Variants in LITAF observed in about 807,000 individuals in gnomAD.
LITAF encodes the protein lipopolysaccharide-induced tumor necrosis factor-alpha factor.
Under a neutral mutation model 14.5 loss-of-function variants are expected in LITAF, and 9 were observed. The ratio of observed to expected loss-of-function variants is 0.62; its 90% CI spans 0.37 to 1.08. The LOEUF is 1.08. LITAF is among the 50% of genes least tolerant of loss of function. The probability of loss-of-function intolerance (pLI) is 0.01; values close to 1 mark genes in which losing one functional copy is unlikely to be tolerated. For missense variants in LITAF, 206 were observed against 213.4 expected (o/e 0.97, Z 0.22); for synonymous variants, 98 against 88.2 (o/e 1.11, Z -0.62).
chr16:11,617,405 A>G (rs2065025424), intron 3 of LITAF, among the ~76,000 whole-genome samples: 1 of 145,648 alleles, frequency 6.9e-6, no homozygotes, highest in Admixed American at 7.0e-5. Flanking sequence ...TCCCAGCAAT[A>G]TATCAATATA....
chr16:11,608,058 A>G (rs2064963631), intron 3 of LITAF, among the ~76,000 whole-genome samples: 1 of 152,182 alleles, frequency 6.6e-6, no homozygotes, highest in African/African-American at 2.4e-5. Context: ...CTGAAGAAAT[A>G]AACTAATGCC....
Position 11,612,565 on chromosome 16 carries a change from G to A in LITAF, c.85+20968C>T, listed in dbSNP as rs77885534. On this transcript the variant is annotated intron_variant, in intron 3 of 3. Transcript: ENST00000574848. The stretch of plus-strand genomic sequence containing the variant: ...ATGCGGCCAGCGGGCGGCCAGGGCC[G>A]GCCCAGCTCAGGACGCTCACGTGCA... Among the ~76,000 whole-genome samples the A allele has an allele frequency of 4.9e-3, 751 of 152,338 alleles. 4 individuals are homozygous for A. Among genetic ancestry groups the A allele is most frequent in the African/African-American group, 0.017 (713 of 41,588 alleles).
chr16:11,572,690 T>C (rs919435527), intron 1 of LITAF, among the ~76,000 whole-genome samples: 2 of 152,120 alleles, frequency 1.3e-5, no homozygotes, highest in Non-Finnish European at 2.9e-5. Context: ...CAAGAAACTG[T>C]CAGAGACCAG....
At chr16:11,570,719 C>T (rs1479741720) in intron 1 of LITAF, among the ~76,000 whole-genome samples, 1 of 151,974 alleles carries the variant, frequency 6.6e-6, no homozygotes, top group Non-Finnish European at 1.5e-5. Flanking sequence ...CGAGACCAGC[C>T]CTGGCCACAT....
intron 1 of LITAF, among the ~76,000 whole-genome samples, chr16:11,580,040 T>G (rs2064708560): frequency 6.6e-6 from 1 of 152,196 alleles, no homozygotes; most frequent in Admixed American, 6.5e-5. Context: ...CTGAAACTTT[T>G]TGAACACAGA....
chr16:11,634,298 GT>G lies in LITAF; in HGVS notation c.-20-662del, dbSNP rs1322338156. Among the ~76,000 whole-genome samples the G allele has an allele frequency of 3.9e-5, 6 of 152,168 alleles. No homozygotes were observed. The highest frequency in any genetic ancestry group is 1.4e-4 in the African/African-American group (6 of 41,428). On this transcript the variant is annotated intron_variant, in intron 2 of 3. Coordinates refer to the LITAF transcript ENST00000574848. This position sits in a 1 kb window ranked among gnomAD's most constrained non-coding sequence, Gnocchi z 4.1. ...CCAAACTAACTCTGGGGAACATTTA[GT>G]TTACAGTTTAAGTGATACTTTTGTT...
At chr16:11,601,510 G>A (rs2064926107), upstream of LITAF, among the ~76,000 whole-genome samples, 1 of 152,098 alleles carries the variant, frequency 6.6e-6, no homozygotes, top group Non-Finnish European at 1.5e-5. Flanking sequence ...TAAAACCATA[G>A]TATTTTCTTA....
intron 3 of LITAF, among the ~76,000 whole-genome samples, chr16:11,625,194 G>C (rs13336957): frequency 0.046 from 6,957 of 151,982 alleles, 396 homozygotes; most frequent in East Asian, 0.14. Context: ...AGCAGTGGCC[G>C]TGACTCTCTG....
chr16:11,572,567 CTG>C (rs956493522), intron 1 of LITAF, among the ~76,000 whole-genome samples: 1 of 152,160 alleles, frequency 6.6e-6, no homozygotes, highest in African/African-American at 2.4e-5. Context: ...AGAAGGGCCT[CTG>C]TGGCCTTCCT....
chr16:11,598,889 G>A (rs371414685), upstream of LITAF, among the ~76,000 whole-genome samples: 12 of 151,890 alleles, frequency 7.9e-5, no homozygotes, highest in East Asian at 7.7e-4. Flanking sequence ...GCGCAATCTC[G>A]GCTCACTGCA....
rs778622023 is a variant in LITAF, at chr16:11,556,491, G to A, written c.220+20C>T. On this transcript the variant is annotated intron_variant, in intron 2 of 3. Transcript: ENST00000622633. ...GGAGGGCCAAGGAATGGTAAGGGGG[G>A]CCTGGGAGGCCACACGTACTTGGAT... The A allele has an allele frequency of 1.2e-6, 2 of 1,600,212 alleles. No individual in the cohort carries two copies. The highest frequency in any genetic ancestry group is 1.1e-5 in the South Asian group (1 of 90,060).
chr16:11,554,259 C>G (rs1032323713), intron 2 of LITAF, among the ~76,000 whole-genome samples: 1 of 151,964 alleles, frequency 6.6e-6, no homozygotes, highest in South Asian at 2.1e-4. Flanking sequence ...TTTTAACCAG[C>G]CTCACACTGT....
intron 1 of LITAF, among the ~76,000 whole-genome samples, chr16:11,575,957 T>C (rs1406870347): frequency 6.6e-6 from 1 of 152,220 alleles, no homozygotes; most frequent in African/African-American, 2.4e-5. Context: ...CATAGCTTAC[T>C]ACAGCCTTGA....
intron 1 of LITAF, among the ~76,000 whole-genome samples, chr16:11,562,335 A>G (rs1013068041): frequency 6.3e-4 from 95 of 151,086 alleles, no homozygotes; most frequent in African/African-American, 2.2e-3. Flanking sequence ...AAAAAAAAAA[A>G]AAAGAAGGAA....
At chr16:11,618,550 C>T (rs1042773613) in intron 3 of LITAF, among the ~76,000 whole-genome samples, 1 of 152,188 alleles carries the variant, frequency 6.6e-6, no homozygotes, top group Non-Finnish European at 1.5e-5. Context: ...ATGGGCTCCC[C>T]GGGCTTTCGC....
At chr16:11,602,521 CT>C (rs1388842961), upstream of LITAF, among the ~76,000 whole-genome samples, 37 of 152,256 alleles carry the variant, frequency 2.4e-4, 1 homozygote, top group Admixed American at 7.2e-4. Context: ...GTGTCACTGT[CT>C]ACAGCAGGTG....
upstream of LITAF, chr16:11,587,447 C>A: frequency 2.2e-6 from 1 of 454,074 alleles, no homozygotes; most frequent in Non-Finnish European, 4.4e-6. Context: ...TCTGTGCCTT[C>A]GGGCATGTTA....
chr16:11,609,929 C>G (rs1439125855), intron 3 of LITAF, among the ~76,000 whole-genome samples: 2 of 152,212 alleles, frequency 1.3e-5, no homozygotes, highest in East Asian at 3.8e-4. Context: ...ACCCCACCTT[C>G]TCTCTCCAGG....
rs1332317289 is a variant in LITAF at position 11,623,112 on chromosome 16, C to CGG, written c.85+10420_85+10421insCC. Among the ~76,000 whole-genome samples the CGG allele has an allele frequency of 4.8e-4, 72 of 151,534 alleles. 2 individuals are homozygous for CGG. The South Asian group carries it at 6.9e-3, about 15-fold the overall frequency. On this transcript the variant is annotated intron_variant, in intron 3 of 3. Coordinates refer to the LITAF transcript ENST00000574848. ...CTGAGTAGCTGGGACTACAGGCGCC[C>CGG]ACCACCACGCCCGGCTAATTTTTGT... is the stretch of plus-strand genomic sequence containing the variant.
Sources: gnomAD v4.1 joint callset for allele counts (sites outside exome capture counted in the v4.1 genomes callset) on GRCh38, gnomAD v4.1.1 for gene constraint, Gnocchi (gnomAD v3.1) non-coding constraint, MANE v1.5 for transcripts, NCBI Gene and HGNC (gene_info 2026-07-23, HGNC 2026-07-21) for gene names.